Variants in RBFOX1 observed in about 807,000 individuals in gnomAD.
RBFOX1 encodes RNA binding protein fox-1 homolog 1.
Under a neutral mutation model 57.7 loss-of-function variants are expected in RBFOX1, and 8 were observed. The ratio of observed to expected loss-of-function variants is 0.14; its 90% CI spans 0.08 to 0.25. The LOEUF (loss-of-function observed/expected upper bound fraction) is 0.25, where lower values mean the gene tolerates loss of function less well. Among genes scored for constraint, RBFOX1 ranks in the 10% least tolerant of loss-of-function variants. The pLI, the probability that RBFOX1 is intolerant of heterozygous loss-of-function variation, is 1.00. For missense variants in RBFOX1, 611 were observed against 548.5 expected, an observed-to-expected ratio of 1.11 and a Z score of -1.14; for synonymous variants, 326 against 222.4, an observed-to-expected ratio of 1.47 and a Z score of -4.15.
chr16:7,137,897 A>C (rs141632080), intron 4 of RBFOX1, among the ~76,000 whole-genome samples: 105 of 152,306 alleles, frequency 6.9e-4, no homozygotes, highest in African/African-American at 2.5e-3. Context: ...ATATTGTTTT[A>C]ACTTTTTAGC....
intron 2 of RBFOX1, among the ~76,000 whole-genome samples, chr16:5,498,856 C>G (rs1391067865): frequency 1.3e-5 from 2 of 152,236 alleles, no homozygotes; most frequent in Non-Finnish European, 2.9e-5. Flanking sequence ...GGGCTTGGCA[C>G]CAGGATCTCT....
intron 14 of RBFOX1, among the ~76,000 whole-genome samples, chr16:7,678,572 C>T (rs2073977090): frequency 6.6e-6 from 1 of 151,940 alleles, no homozygotes; most frequent in Admixed American, 6.6e-5. Context: ...GAATCTTAAA[C>T]AGATTTGATT....
chr16:6,651,978 G>T (rs1436174524), intron 2 of RBFOX1, among the ~76,000 whole-genome samples: 1 of 152,170 alleles, frequency 6.6e-6, no homozygotes, highest in African/African-American at 2.4e-5. Flanking sequence ...AAGGACAAAT[G>T]TTGTATGATT....
chr16:6,878,764 A>G (rs1300971169), intron 3 of RBFOX1, among the ~76,000 whole-genome samples: 1 of 152,210 alleles, frequency 6.6e-6, no homozygotes, highest in Non-Finnish European at 1.5e-5. Context: ...AAGGACCCTG[A>G]CAATCTGCAG....
At chr16:7,501,877 C>T (rs953730893) in intron 4 of RBFOX1, among the ~76,000 whole-genome samples, 4 of 152,152 alleles carry the variant, frequency 2.6e-5, no homozygotes, top group Non-Finnish European at 4.4e-5. Context: ...CAGCCTGTAG[C>T]TATAGAGGTA....
At position 5,913,229 on chromosome 16, in the gene RBFOX1, A is replaced by G. The variant is rs2058640507; in HGVS notation, c.351+45894A>G. Among the ~76,000 whole-genome samples, 4 of 152,150 alleles carry G rather than the reference A, an allele frequency of 2.6e-5. No homozygotes were observed. In the South Asian group the frequency reaches 8.3e-4, roughly 32 times the overall value. On this transcript the variant is annotated intron_variant, in intron 4 of 19. Coordinates refer to the RBFOX1 transcript ENST00000641259. ...TGCATGACACCATCTTATTTATCCC[A>G]CGGTTATTTATTGGGACTTATGTAT...
chr16:5,500,111 C>CCTTCCCTCCTTCCCT (rs2043136520), intron 2 of RBFOX1, among the ~76,000 whole-genome samples: 1 of 117,250 alleles, frequency 8.5e-6, no homozygotes, highest in African/African-American at 4.4e-5. Flanking sequence ...TCCCTTCCCT[C>CCTTCCCTCCTTCCCT]CCTTCCCTCC....
At chr16:7,388,736 G>C (rs951386007) in intron 4 of RBFOX1, among the ~76,000 whole-genome samples, 1 of 142,966 alleles carries the variant, frequency 7.0e-6, no homozygotes, top group African/African-American at 2.6e-5. Context: ...TGAATTCCAC[G>C]AGATATTCAA....
intron 4 of RBFOX1, among the ~76,000 whole-genome samples, chr16:7,100,913 C>A (rs906043272): frequency 6.6e-6 from 1 of 152,064 alleles, no homozygotes; most frequent in South Asian, 2.1e-4. Context: ...GGTTGCTTTG[C>A]AAGTACAAGG....
At chr16:7,305,377 C>T (rs2096154862) in intron 4 of RBFOX1, among the ~76,000 whole-genome samples, 3 of 152,028 alleles carry the variant, frequency 2.0e-5, no homozygotes, top group African/African-American at 7.2e-5. Context: ...GGTGACAGGC[C>T]AGCTCTCTGT....
intron 4 of RBFOX1, among the ~76,000 whole-genome samples, chr16:7,087,029 A>G (rs953989295): frequency 2.6e-5 from 4 of 152,182 alleles, no homozygotes; most frequent in Middle Eastern, 3.2e-3. Context: ...TGAGCCCGCA[A>G]TGACACCGTG....
intron 4 of RBFOX1, among the ~76,000 whole-genome samples, chr16:7,322,828 C>T (rs1281972820): frequency 1.3e-5 from 2 of 152,180 alleles, no homozygotes; most frequent in African/African-American, 2.4e-5. Flanking sequence ...TATCTGTCCT[C>T]CTCCTGCGTT....
chr16:6,728,057 T>C (rs1421940720), intron 3 of RBFOX1, among the ~76,000 whole-genome samples: 1 of 152,216 alleles, frequency 6.6e-6, no homozygotes, highest in African/African-American at 2.4e-5. Context: ...AGTAACATAA[T>C]GCAGTCAGGA....
rs552323015 is a variant in RBFOX1, at chr16:6,819,588, C to A, written c.-16+164938C>A. Among the ~76,000 whole-genome samples, 8 of 151,584 alleles carry A rather than the reference C, an allele frequency of 5.3e-5. No individual in the cohort carries two copies. In the South Asian group the frequency reaches 1.7e-3, roughly 32 times the overall value. On this transcript the variant is annotated intron_variant, in intron 3 of 15. Coordinates refer to ENST00000550418, the MANE Select transcript of RBFOX1 (RefSeq NM_018723.4). ...CCTGTTGGCGTGTATGCCTGTAATC[C>A]CAGCTACTCGGGAGGCTGAGGCAGG...
intron 3 of RBFOX1, among the ~76,000 whole-genome samples, chr16:6,860,553 A>G (rs2058812892): frequency 6.6e-6 from 1 of 152,206 alleles, no homozygotes; most frequent in Admixed American, 6.5e-5. Flanking sequence ...GAGATATTTC[A>G]TCCCTAAATG....
At chr16:5,550,809 AAAG>A (rs767218105) in intron 2 of RBFOX1, among the ~76,000 whole-genome samples, 1 of 152,236 alleles carries the variant, frequency 6.6e-6, no homozygotes, top group Non-Finnish European at 1.5e-5. Flanking sequence ...TCATTTCAAA[AAAG>A]AATTGTCACC....
At chr16:6,648,144 C>G (rs184036662) in intron 2 of RBFOX1, among the ~76,000 whole-genome samples, 1 of 152,088 alleles carries the variant, frequency 6.6e-6, no homozygotes, top group Admixed American at 6.5e-5. Context: ...CACCCGGCTT[C>G]AAGTGATCCT....
chr16:6,112,505 A>G (rs1216097661), intron 1 of RBFOX1, among the ~76,000 whole-genome samples: 2 of 152,290 alleles, frequency 1.3e-5, no homozygotes, highest in African/African-American at 2.4e-5. Flanking sequence ...AGCCTGGCCA[A>G]CATGGAGAAA....
chr16:7,165,933 TACAC>T lies in RBFOX1; in HGVS notation c.27+113865_27+113868del, dbSNP rs889669390. ...CCCCCTGCACCCCACCGCATGCACA[TACAC>T]ACACACACACACACACACACACACA... On this transcript the variant is annotated intron_variant, in intron 4 of 15. Transcript: ENST00000550418. 7.0e-3 allele frequency among the ~76,000 whole-genome samples: 1,005 copies of T among 143,256 alleles called. 6 individuals carry two copies. Among genetic ancestry groups the T allele is most frequent in the African/African-American group, 0.013 (497 of 38,244 alleles). 94.0% of individuals were successfully genotyped at this position (143,256 alleles called of 152,430 possible). A position where few individuals can be genotyped will look rare whatever the true frequency, so the allele number is the denominator to read the frequency against.
Sources: allele counts gnomAD v4.1 joint callset (sites outside exome capture counted in the v4.1 genomes callset), GRCh38; gene constraint gnomAD v4.1.1; transcripts MANE v1.5; gene names NCBI Gene and HGNC (gene_info 2026-07-23, HGNC 2026-07-21).